Variants in ANK2 observed in about 807,000 individuals in gnomAD.
ANK2 encodes the protein ankyrin-2.
Under a neutral mutation model 360.5 loss-of-function variants are expected in ANK2, and 83 were observed. That is an observed-to-expected ratio of 0.23 (90% CI 0.19 to 0.28). The LOEUF (loss-of-function observed/expected upper bound fraction) is 0.28, where lower values mean the gene tolerates loss of function less well. Ranked by LOEUF, ANK2 falls within the 10% of genes least tolerant of loss-of-function variation. The pLI is 1.00. For missense variants in ANK2, 4,201 were observed against 4,795.7 expected, an observed-to-expected ratio of 0.88 and a Z score of 3.66; for synonymous variants, 1,740 against 1,759.5, an observed-to-expected ratio of 0.99 and a Z score of 0.28.
intron 2 of ANK2, among the ~76,000 whole-genome samples, chr4:113,023,380 A>T (rs564338095): frequency 8.2e-4 from 124 of 151,722 alleles, no homozygotes; most frequent in African/African-American, 2.9e-3. Context: ...TCCACCTCCC[A>T]CCCTCCAGTC....
chr4:113,254,286 A>T (rs555313796), intron 10 of ANK2, among the ~76,000 whole-genome samples: 3 of 152,302 alleles, frequency 2.0e-5, no homozygotes, highest in African/African-American at 7.2e-5. Context: ...TGTAACCTCG[A>T]TAGAGACGGG....
At chr4:112,848,333 A>G (rs2063811107) in intron 1 of ANK2, among the ~76,000 whole-genome samples, 1 of 151,952 alleles carries the variant, frequency 6.6e-6, no homozygotes, top group African/African-American at 2.4e-5. Context: ...CTAATTTTTT[A>G]TATTTTTTGG....
rs537148509 is a variant in ANK2 at position 113,274,612 on chromosome 4, T to C, written c.1646T>C (p.Leu549Pro). ...REGQVDVASV[L>P]LEAGAAHSLA... ...GGCCAGGTGGATGTGGCATCAGTCC[T>C]ATTGGAAGCAGGAGCAGCCCACTCC... Residue 549 changes from leucine (L) to proline (P), a missense_variant, in exon 15 of 46, where the codon CTA (leucine) becomes CCA (proline). Physicochemically the swap from Leu to Pro is moderately conservative, Grantham distance 98. This residue lies in a region of ANK2 where 1,268 missense variants were observed against 1,650.8 expected (regional missense o/e 0.77). Coordinates refer to ENST00000357077, the MANE Select transcript of ANK2 (RefSeq NM_001148.6). The C allele has an allele frequency of 1.2e-6, 2 of 1,614,212 alleles. No homozygotes were observed. Among genetic ancestry groups the C allele is most frequent in the Non-Finnish European group, 1.7e-6 (2 of 1,180,034 alleles).
intron 1 of ANK2, among the ~76,000 whole-genome samples, chr4:112,895,310 C>T (rs1255191942): frequency 6.6e-6 from 1 of 152,170 alleles, no homozygotes; most frequent in Non-Finnish European, 1.5e-5. Context: ...TTAGGGAGAA[C>T]TTGATACACT....
At chr4:113,352,622 T>C (rs2095483249) in intron 37 of ANK2, among the ~76,000 whole-genome samples, 1 of 152,160 alleles carries the variant, frequency 6.6e-6, no homozygotes. Flanking sequence ...ATGCTTTTTT[T>C]CTTATTTTTT....
intron 1 of ANK2, among the ~76,000 whole-genome samples, chr4:113,107,166 A>C (rs1421172230): frequency 6.6e-6 from 1 of 152,176 alleles, no homozygotes; most frequent in Non-Finnish European, 1.5e-5. Flanking sequence ...TTTCTCAAGC[A>C]CACATGCTCA....
At chr4:113,148,749 T>A (rs900973363) in intron 1 of ANK2, among the ~76,000 whole-genome samples, 7 of 152,054 alleles carry the variant, frequency 4.6e-5, no homozygotes, top group Non-Finnish European at 7.4e-5. Flanking sequence ...TATGGGGGGA[T>A]GAGGAAGCAT....
chr4:112,797,287 T>G, the ANK2 span: 1 of 152,404 alleles, frequency 6.6e-6, no homozygotes, highest in African/African-American at 2.4e-5. Flanking sequence ...ACTTTTTCTG[T>G]TTTTTTGCCT....
intron 1 of ANK2, among the ~76,000 whole-genome samples, chr4:113,149,667 G>A (rs1583080091): frequency 6.6e-6 from 1 of 151,868 alleles, no homozygotes; most frequent in East Asian, 1.9e-4. Context: ...TGGAGCCCAG[G>A]AGTTCAAAAT....
chr4:113,088,639 C>T (rs2086116195), intron 1 of ANK2, among the ~76,000 whole-genome samples: 1 of 151,142 alleles, frequency 6.6e-6, no homozygotes, highest in Non-Finnish European at 1.5e-5. Flanking sequence ...TTTTATGTCT[C>T]CAAAAGACGG....
chr4:113,226,488 A>G (rs1363925671), intron 4 of ANK2, among the ~76,000 whole-genome samples: 1 of 151,838 alleles, frequency 6.6e-6, no homozygotes, highest in Admixed American at 6.6e-5. Context: ...TTCAGATATC[A>G]TTTCCTTATC....
At chr4:113,085,969 C>A (rs2084544895) in intron 1 of ANK2, among the ~76,000 whole-genome samples, 1 of 152,144 alleles carries the variant, frequency 6.6e-6, no homozygotes, top group South Asian at 2.1e-4. Context: ...GAGGACTTAG[C>A]AAGATCATTT....
At chr4:113,030,802 C>T (rs528303390) in intron 2 of ANK2, among the ~76,000 whole-genome samples, 2 of 151,870 alleles carry the variant, frequency 1.3e-5, no homozygotes, top group East Asian at 1.9e-4. Context: ...AAAAGAAGGC[C>T]GTAGATGAGT....
At chr4:113,212,627 T>A (rs2099037200) in intron 4 of ANK2, among the ~76,000 whole-genome samples, 1 of 152,214 alleles carries the variant, frequency 6.6e-6, no homozygotes, top group African/African-American at 2.4e-5. Flanking sequence ...TTTCTACTCA[T>A]GTAACTCATG....
At chr4:113,097,983 A>G (rs2091945778) in intron 1 of ANK2, among the ~76,000 whole-genome samples, 1 of 151,002 alleles carries the variant, frequency 6.6e-6, no homozygotes, top group African/African-American at 2.4e-5. Context: ...TAAAGTCTAA[A>G]ATATCTTAGT....
chr4:113,266,061 A>G (rs769159571), intron 14 of ANK2, among the ~76,000 whole-genome samples: 34 of 152,044 alleles, frequency 2.2e-4, no homozygotes, highest in Non-Finnish European at 4.4e-4. Flanking sequence ...GTACCCATCA[A>G]CCCGTCATCT....
chr4:113,010,337 G>GT (rs754290364), intron 2 of ANK2, among the ~76,000 whole-genome samples: 9 of 152,072 alleles, frequency 5.9e-5, no homozygotes, highest in East Asian at 1.9e-4. Flanking sequence ...TGAAAAAAGA[G>GT]TTACCTCTAG....
intron 2 of ANK2, among the ~76,000 whole-genome samples, chr4:112,958,354 G>C (rs954591681): frequency 2.6e-5 from 4 of 152,248 alleles, no homozygotes; most frequent in African/African-American, 7.2e-5. Context: ...CACCTCGGGA[G>C]GCCGAGGCTG....
chr4:113,315,981 T>C (rs1300461244), intron 24 of ANK2, among the ~76,000 whole-genome samples: 2 of 152,130 alleles, frequency 1.3e-5, no homozygotes, highest in Admixed American at 1.3e-4. Flanking sequence ...TAGCTATCTT[T>C]GTGATTTACA....
Sources: allele counts gnomAD v4.1 joint callset (sites outside exome capture counted in the v4.1 genomes callset), GRCh38; gene constraint gnomAD v4.1.1; regional missense constraint gnomAD v4.1.1; transcripts MANE v1.5; gene names NCBI Gene and HGNC (gene_info 2026-07-23, HGNC 2026-07-21).